SAMM50: variants seen among roughly 807,000 people sequenced by gnomAD.
SAMM50 encodes SAMM50 sorting and assembly machinery component, also known as sorting and assembly machinery component 50 homolog.
SAMM50 carries 47 observed loss-of-function variants against 66.9 expected under a neutral mutation model. That is an observed-to-expected ratio of 0.70 (90% CI 0.56 to 0.90). SAMM50 has a LOEUF of 0.90. SAMM50 is among the 40% of genes least tolerant of loss of function. The probability of loss-of-function intolerance (pLI) is 0.00; values close to 1 mark genes in which losing one functional copy is unlikely to be tolerated. For missense variants in SAMM50, 535 were observed against 595.3 expected (o/e 0.90, Z 1.05); for synonymous variants, 191 against 214.1 (o/e 0.89, Z 0.94).
At chr22:43,972,476 G>T in intron 5 of SAMM50, 134 bp downstream of exon 5, 3 of 549,196 alleles carry the variant, frequency 5.5e-6, no homozygotes, top group South Asian at 3.4e-5. Flanking sequence ...TGTTATTTGT[G>T]GTTTCTCTTT....
At position 43,976,348 on chromosome 22, in the gene SAMM50, G is replaced by A. The variant is rs551941047; in HGVS notation, c.777+165G>A. ...CCGAGGGCTTGTGGTGTCCTGCCTC[G>A]CGTGGTCCTTTCCGAATAATGTCAG... On this transcript the variant is annotated intron_variant, in intron 8 of 14. Transcript: ENST00000350028. Among the ~76,000 whole-genome samples the A allele has an allele frequency of 1.6e-4, 25 of 152,328 alleles. No individual in the cohort carries two copies. In the East Asian group the frequency reaches 3.3e-3, roughly 20 times the overall value.
intron 14 of SAMM50, among the ~76,000 whole-genome samples, chr22:43,994,485 C>T (rs560709968): frequency 1.3e-5 from 2 of 152,164 alleles, no homozygotes; most frequent in South Asian, 2.1e-4. Flanking sequence ...TGCAAGGCGC[C>T]AAGGGTGCTG....
intron 3 of SAMM50, among the ~76,000 whole-genome samples, chr22:43,965,985 C>T (rs1294890950): frequency 1.3e-5 from 2 of 152,104 alleles, no homozygotes; most frequent in Non-Finnish European, 2.9e-5. Flanking sequence ...ACTGCAGGCA[C>T]ACATCACCAT....
intron 1 of SAMM50, among the ~76,000 whole-genome samples, chr22:43,961,362 T>C (rs1603418565): frequency 6.6e-6 from 1 of 152,182 alleles, no homozygotes. Flanking sequence ...CAGAGACTTA[T>C]GGTCAAGCAA....
At chr22:43,968,292 G>GA (rs1464753619) in intron 3 of SAMM50, among the ~76,000 whole-genome samples, 5 of 139,716 alleles carry the variant, frequency 3.6e-5, no homozygotes, top group African/African-American at 1.3e-4. Flanking sequence ...GAAATGAATA[G>GA]AAAATTGAAA....
chr22:43,985,997 G>T (rs2050290464), intron 12 of SAMM50, among the ~76,000 whole-genome samples: 1 of 148,678 alleles, frequency 6.7e-6, no homozygotes, highest in Admixed American at 6.7e-5. Flanking sequence ...CTGAATGTTG[G>T]TACTCATCTG....
chr22:43,982,300 C>G (rs1250708974), intron 11 of SAMM50, among the ~76,000 whole-genome samples: 8 of 152,324 alleles, frequency 5.3e-5, no homozygotes, highest in African/African-American at 1.9e-4. Flanking sequence ...TGTAGCATTG[C>G]TGATGAATAG....
At chr22:43,978,067 G>A (rs9626078) in intron 10 of SAMM50, 109 bp downstream of exon 10, 36,833 of 707,620 alleles carry the variant, frequency 0.052, 1,210 homozygotes, top group Middle Eastern at 0.089. Context: ...AAGCCTGGGC[G>A]GTAATGCTTA....
chr22:43,955,650 G>A, intron 1 of SAMM50, 52 bp downstream of exon 1: 2 of 1,539,850 alleles, frequency 1.3e-6, no homozygotes, highest in East Asian at 2.4e-5. Flanking sequence ...CAGCAGGGCA[G>A]ACGGGCGCCG....
At chr22:43,968,636 G>T (rs530363448) in intron 3 of SAMM50, 95 bp from the exon 4 acceptor site, 7 of 852,842 alleles carry the variant, frequency 8.2e-6, no homozygotes, top group African/African-American at 1.7e-5. Context: ...ACTTAGCACC[G>T]AATGGTAAAC....
chr22:43,955,644 A>G (rs1346724644), intron 1 of SAMM50, 46 bp downstream of exon 1: 1 of 1,551,168 alleles, frequency 6.4e-7, no homozygotes, highest in Non-Finnish European at 8.7e-7. Flanking sequence ...CTGGGCCAGC[A>G]GGGCAGACGG....
At chr22:43,961,003 G>A (rs1162265101) in intron 1 of SAMM50, among the ~76,000 whole-genome samples, 1 of 152,158 alleles carries the variant, frequency 6.6e-6, no homozygotes, top group Non-Finnish European at 1.5e-5. Flanking sequence ...CTTGTACCCT[G>A]CTAAGGAACC....
At chr22:43,978,239 C>T (rs977303766) in intron 10 of SAMM50, among the ~76,000 whole-genome samples, 7 of 151,582 alleles carry the variant, frequency 4.6e-5, no homozygotes, top group Non-Finnish European at 8.8e-5. Context: ...GTCAGGAGAT[C>T]GAGACCATCC....
chr22:43,995,672 C>T (rs1181369003), intron 14 of SAMM50, among the ~76,000 whole-genome samples: 1 of 152,212 alleles, frequency 6.6e-6, no homozygotes, highest in East Asian at 1.9e-4. Context: ...GGTCTGGAGT[C>T]CTGTCCTGCC....
At chr22:43,973,760 G>A (rs1009203564) in intron 7 of SAMM50, among the ~76,000 whole-genome samples, 14 of 151,994 alleles carry the variant, frequency 9.2e-5, no homozygotes, top group African/African-American at 2.9e-4. Flanking sequence ...CTCAGCCTCC[G>A]TCACCGTGCC....
chr22:43,971,703 T>TTTTTTGG (rs1245055194), intron 4 of SAMM50, among the ~76,000 whole-genome samples: 1 of 152,066 alleles, frequency 6.6e-6, no homozygotes, highest in African/African-American at 2.4e-5. Flanking sequence ...ATTGTTTTTG[T>TTTTTTGG]TTTTTGGTTT....
intron 3 of SAMM50, among the ~76,000 whole-genome samples, chr22:43,968,500 A>G (rs981494974): frequency 6.6e-6 from 1 of 152,136 alleles, no homozygotes; most frequent in African/African-American, 2.4e-5. Flanking sequence ...AGGGGATTAT[A>G]TGTTGCACAC....
chr22:43,957,103 CTCT>C, intron 1 of SAMM50: 1 of 967,182 alleles, frequency 1.0e-6, no homozygotes, highest in Admixed American at 1.7e-5. Flanking sequence ...GAGCACACAG[CTCT>C]TCTTAAAATT....
chr22:43,996,187 C>T (rs761642733), intron 14 of SAMM50, 151 bp from the exon 15 acceptor site: 4 of 799,756 alleles, frequency 5.0e-6, no homozygotes, highest in Non-Finnish European at 8.8e-6. Context: ...CAGCCGGGGC[C>T]GGTGAGGGTG....
Sources: allele counts gnomAD v4.1 joint callset (sites outside exome capture counted in the v4.1 genomes callset), GRCh38; gene constraint gnomAD v4.1.1; transcripts MANE v1.5; gene names NCBI Gene and HGNC (gene_info 2026-07-23, HGNC 2026-07-21).